Variants in NCAM1 observed in about 807,000 individuals in gnomAD.
NCAM1 encodes antigen recognized by monoclonal antibody 5.1H11.
In NCAM1, 14 loss-of-function variants were observed where a neutral mutation model predicts 109.8. The ratio of observed to expected loss-of-function variants is 0.13; its 90% CI spans 0.08 to 0.20. The LOEUF is 0.20. Among genes scored for constraint, NCAM1 ranks in the 10% least tolerant of loss-of-function variants. The pLI is 1.00. For synonymous variants in NCAM1, 418 were observed against 442.9 expected (o/e 0.94, Z 0.70); for missense variants, 774 against 1,109.9 (o/e 0.70, Z 4.30).
At chr11:113,089,377 GTT>G (rs5794844) in intron 1 of NCAM1, among the ~76,000 whole-genome samples, 12 of 149,666 alleles carry the variant, frequency 8.0e-5, no homozygotes, top group South Asian at 2.1e-4. Context: ...AGTGGGTTTA[GTT>G]TTTTTTTTTA....
At chr11:113,263,509 G>GA (rs1946064104) in intron 17 of NCAM1, 2 of 985,590 alleles carry the variant, frequency 2.0e-6, no homozygotes, top group Non-Finnish European at 2.4e-6. Context: ...CCATGCACTG[G>GA]AAAAAAAGTT....
intron 7 of NCAM1, among the ~76,000 whole-genome samples, chr11:113,210,919 C>A (rs2094661779): frequency 6.6e-6 from 1 of 152,024 alleles, no homozygotes. Flanking sequence ...AGAGACAGGG[C>A]AGGAATCATA....
chr11:113,149,290 G>A (rs1250030913), intron 1 of NCAM1, among the ~76,000 whole-genome samples: 1 of 152,138 alleles, frequency 6.6e-6, no homozygotes, highest in Non-Finnish European at 1.5e-5. Context: ...ACATCCTGCT[G>A]ATGAGAACAA....
intron 1 of NCAM1, among the ~76,000 whole-genome samples, chr11:113,063,396 C>T (rs1327154334): frequency 2.6e-5 from 4 of 152,244 alleles, no homozygotes; most frequent in Non-Finnish European, 4.4e-5. Context: ...CAGTCATTGA[C>T]AAGCCTTATG....
intron 10 of NCAM1, 30 bp from the exon 11 acceptor site, chr11:113,232,140 C>T: frequency 6.5e-7 from 1 of 1,548,850 alleles, no homozygotes; most frequent in Non-Finnish European, 8.7e-7. Context: ...TCATGGCAGT[C>T]ATCCTGACAG....
At chr11:113,139,575 C>T (rs1428418706) in intron 1 of NCAM1, among the ~76,000 whole-genome samples, 1 of 152,190 alleles carries the variant, frequency 6.6e-6, no homozygotes, top group Non-Finnish European at 1.5e-5. Context: ...TTCATGTACA[C>T]ATATTTTCAC....
At chr11:113,013,793 A>G (rs782627602) in intron 1 of NCAM1, among the ~76,000 whole-genome samples, 38 of 152,342 alleles carry the variant, frequency 2.5e-4, no homozygotes, top group Non-Finnish European at 5.3e-4. Flanking sequence ...TTTGAAACAA[A>G]CAAGAAATCC....
rs117243265 is a variant in NCAM1 at position 113,157,937 on chromosome 11, C to A, written c.53-44442C>A. 1.8e-3 allele frequency among the ~76,000 whole-genome samples: 267 copies of A among 151,966 alleles called. 9 individuals are homozygous for A. The East Asian group carries it at 0.039, about 22-fold the overall frequency. ...ATGTAGGGAGGAATATTTTAATAGC[C>A]GTCAAAGGTAATTGTGGGCATTCTT... On this transcript the variant is annotated intron_variant, in intron 1 of 19. Coordinates refer to ENST00000316851, the MANE Select transcript of NCAM1 (RefSeq NM_181351.5).
chr11:113,067,906 GT>G (rs782134624), intron 1 of NCAM1, among the ~76,000 whole-genome samples: 244 of 125,442 alleles, frequency 1.9e-3, no homozygotes, highest in African/African-American at 3.8e-3. Context: ...CATATAACAA[GT>G]TTTTTTTTTT....
intron 1 of NCAM1, among the ~76,000 whole-genome samples, chr11:113,024,292 G>A (rs1952477152): frequency 6.6e-6 from 1 of 152,188 alleles, no homozygotes. Context: ...TTGAACTTTA[G>A]CGAAAATTTG....
At position 113,207,977 on chromosome 11, in the gene NCAM1, T is replaced by C; in HGVS notation, c.891T>C (p.Asp297=). 2 of 1,610,864 alleles carry C rather than the reference T, an allele frequency of 1.2e-6. No individual in the cohort carries two copies. Among genetic ancestry groups the C allele is most frequent in the Non-Finnish European group, 1.7e-6 (2 of 1,178,636 alleles). The change falls in exon 7 of 20, where the codon GAT becomes GAC. Residue 297 remains aspartate, a synonymous_variant. Transcript: ENST00000316851. The part of the protein sequence containing the change: ...CIAENKAGEQ[D]ATIHLKVFAK... Reference sequence around the variant, plus strand: ...CTGAGAACAAGGCTGGCGAGCAGGATGCGACCATCCACCTCAAAGTCTTTG... The same window carrying C: ...CTGAGAACAAGGCTGGCGAGCAGGACGCGACCATCCACCTCAAAGTCTTTG...
At chr11:113,236,230 C>CT in intron 14 of NCAM1, 4 of 1,501,620 alleles carry the variant, frequency 2.7e-6, no homozygotes, top group Non-Finnish European at 2.8e-6. Context: ...TCTTTTACAT[C>CT]TTATTTTTTT....
intron 1 of NCAM1, among the ~76,000 whole-genome samples, chr11:112,993,316 TGGGGGTGG>T (rs1188844129): frequency 1.3e-5 from 2 of 152,034 alleles, no homozygotes; most frequent in Non-Finnish European, 2.9e-5. Context: ...GACAGAGAGT[TGGGGGTGG>T]GGAGGTGCCA....
intron 7 of NCAM1, among the ~76,000 whole-genome samples, chr11:113,214,056 T>C (rs1259254929): frequency 2.6e-5 from 4 of 152,232 alleles, no homozygotes; most frequent in Admixed American, 1.3e-4. Context: ...GAAAATCTCA[T>C]GGTCCAGCCC....
chr11:113,066,689 C>A (rs781927886), intron 1 of NCAM1, among the ~76,000 whole-genome samples: 1 of 152,006 alleles, frequency 6.6e-6, no homozygotes, highest in Admixed American at 6.6e-5. Context: ...GCCCTTTTCC[C>A]GTCTCTTTCC....
chr11:113,203,953 G>A (rs782593654), intron 2 of NCAM1, among the ~76,000 whole-genome samples: 30 of 152,202 alleles, frequency 2.0e-4, no homozygotes, highest in Non-Finnish European at 3.8e-4. Context: ...TGTGAGGCAT[G>A]TGTGTTCCTA....
At chr11:113,003,884 T>C (rs1196960805) in intron 1 of NCAM1, 2 of 152,198 alleles carry the variant, frequency 1.3e-5, no homozygotes, top group African/African-American at 4.8e-5. Flanking sequence ...CTTTTACACA[T>C]GTATTTATAT....
chr11:113,253,322 T>C (rs868988128), intron 15 of NCAM1, among the ~76,000 whole-genome samples: 3 of 152,122 alleles, frequency 2.0e-5, no homozygotes, highest in Non-Finnish European at 4.4e-5. Flanking sequence ...GATGTGAAAT[T>C]GTTGACCTTG....
intron 14 of NCAM1, among the ~76,000 whole-genome samples, chr11:113,237,374 A>G (rs187799374): frequency 2.0e-5 from 3 of 152,228 alleles, no homozygotes; most frequent in African/African-American, 7.2e-5. Context: ...ATTATTCAGA[A>G]ATATTGCAGC....
Sources: allele counts gnomAD v4.1 joint callset (sites outside exome capture counted in the v4.1 genomes callset), GRCh38; gene constraint gnomAD v4.1.1; transcripts MANE v1.5; gene names NCBI Gene and HGNC (gene_info 2026-07-23, HGNC 2026-07-21).